Variants in MYH11 observed in about 807,000 individuals in gnomAD.
MYH11 encodes myosin heavy chain 11.
In MYH11, 80 loss-of-function variants were observed where a neutral mutation model predicts 246.6. The observed-to-expected ratio is 0.32, with a 90% CI of 0.27 to 0.39. MYH11 has a LOEUF of 0.39. Ranked by LOEUF, MYH11 falls within the 10% of genes least tolerant of loss-of-function variation. MYH11 has a pLI of 1.00. For missense variants in MYH11, 2,158 were observed against 2,546.8 expected (o/e 0.85, Z 3.29); for synonymous variants, 1,071 against 1,015.5 (o/e 1.05, Z -1.04).
intron 1 of MYH11, among the ~76,000 whole-genome samples, chr16:15,852,574 G>A (rs1276518162): frequency 1.3e-5 from 2 of 151,972 alleles, no homozygotes; most frequent in African/African-American, 4.8e-5. Flanking sequence ...CCTGACCTCA[G>A]GTGACCCACC....
chr16:15,749,881 T>C, intron 16 of MYH11: 1 of 596,538 alleles, frequency 1.7e-6, no homozygotes, highest in Non-Finnish European at 3.0e-6. Context: ...GCCCAGTGAA[T>C]ACTTCCTGGG....
At chr16:15,767,190 G>C (rs2042002326) in intron 9 of MYH11, among the ~76,000 whole-genome samples, 2 of 152,124 alleles carry the variant, frequency 1.3e-5, no homozygotes, top group South Asian at 4.1e-4. Flanking sequence ...AGGATGAGTA[G>C]AGGATAGATG....
rs1555569323 is a variant in MYH11 at position 15,788,075 on chromosome 16, A to ATTTTTTTTTTTTTTTTTTT, written c.531-1344_531-1343insAAAAAAAAAAAAAAAAAAA. 1.9e-4 allele frequency among the ~76,000 whole-genome samples: 8 copies of ATTTTTTTTTTTTTTTTTTT among 42,720 alleles called. 1 individual carries two copies. Among genetic ancestry groups the ATTTTTTTTTTTTTTTTTTT allele is most frequent in the African/African-American group, 9.2e-4 (7 of 7,626 alleles). 28.0% of individuals were successfully genotyped at this position (42,720 alleles called of 152,430 possible). On this transcript the variant is annotated intron_variant, in intron 4 of 40. Coordinates refer to ENST00000300036, the MANE Select transcript of MYH11 (RefSeq NM_002474.3). The stretch of plus-strand genomic sequence containing the variant: ...ATGTCCTCCTGGAATATGAAGGTAG[A>ATTTTTTTTTTTTTTTTTTT]TCTTTTTTTTTTTTTTTTTTACCAA...
intron 3 of MYH11, among the ~76,000 whole-genome samples, chr16:15,800,806 G>C (rs1371177814): frequency 6.6e-6 from 1 of 152,080 alleles, no homozygotes; most frequent in Non-Finnish European, 1.5e-5. Context: ...TCGGATTATA[G>C]ATGGATGTTT....
chr16:15,745,382 A>G (rs1289475462), intron 19 of MYH11, 145 bp from the exon 20 acceptor site: 3 of 621,364 alleles, frequency 4.8e-6, no homozygotes, highest in Admixed American at 5.3e-5. Context: ...TGTGTGACAC[A>G]TGTGTTGTCT....
chr16:15,808,384 T>A (rs758878220), intron 3 of MYH11, among the ~76,000 whole-genome samples: 12 of 152,160 alleles, frequency 7.9e-5, no homozygotes, highest in Non-Finnish European at 1.5e-4. Flanking sequence ...CACAAAGTAA[T>A]AGCCGGGGCA....
chr16:15,732,991 G>C (rs1173494747), intron 26 of MYH11: 5 of 526,548 alleles, frequency 9.5e-6, no homozygotes, highest in Non-Finnish European at 1.0e-5. Flanking sequence ...GCAAAATTTT[G>C]CTTAAATATT....
intron 16 of MYH11, 107 bp from the exon 17 acceptor site, chr16:15,748,275 C>T: frequency 6.4e-7 from 1 of 1,553,620 alleles, no homozygotes; most frequent in Non-Finnish European, 8.7e-7. Flanking sequence ...CATGAGGGTA[C>T]CAACAGAAGC....
chr16:15,766,849 C>A (rs1454784591), intron 9 of MYH11, among the ~76,000 whole-genome samples: 1 of 152,208 alleles, frequency 6.6e-6, no homozygotes, highest in African/African-American at 2.4e-5. Context: ...GCAGAATTAG[C>A]AGACAGCAAA....
intron 5 of MYH11, chr16:15,786,373 G>A (rs1233018946): frequency 3.0e-5 from 19 of 641,112 alleles, no homozygotes; most frequent in South Asian, 2.0e-4. Context: ...GGAAGATCTC[G>A]CTATGGAAGG....
At chr16:15,834,928 T>TTC (rs1555458792) in intron 2 of MYH11, among the ~76,000 whole-genome samples, 2 of 149,156 alleles carry the variant, frequency 1.3e-5, no homozygotes, top group Non-Finnish European at 3.0e-5. Flanking sequence ...TTTTTTTTTT[T>TTC]AATTAGCCAG....
intron 4 of MYH11, among the ~76,000 whole-genome samples, chr16:15,794,375 CACA>C (rs1203793485): frequency 6.6e-6 from 1 of 152,208 alleles, no homozygotes; most frequent in Non-Finnish European, 1.5e-5. Context: ...GGCTGAATTT[CACA>C]ACAAGCAAAA....
intron 3 of MYH11, among the ~76,000 whole-genome samples, chr16:15,816,282 G>A (rs2043261189): frequency 6.6e-6 from 1 of 152,156 alleles, no homozygotes; most frequent in South Asian, 2.1e-4. Context: ...GGCTATAGTA[G>A]AGATCACATT....
chr16:15,729,930 CCTATCTCAG>C (rs1214974298), intron 27 of MYH11, among the ~76,000 whole-genome samples: 2 of 152,098 alleles, frequency 1.3e-5, no homozygotes, highest in African/African-American at 4.8e-5. Context: ...TGGTGATCCG[CCTATCTCAG>C]CCTCCCAAAG....
chr16:15,835,415 T>C (rs2043865323), intron 2 of MYH11, among the ~76,000 whole-genome samples: 1 of 152,238 alleles, frequency 6.6e-6, no homozygotes, highest in African/African-American at 2.4e-5. Context: ...TTCTGTTTTG[T>C]GTTCACTATG....
intron 14 of MYH11, among the ~76,000 whole-genome samples, chr16:15,753,971 C>T (rs1362627350): frequency 6.6e-6 from 1 of 151,100 alleles, no homozygotes; most frequent in Admixed American, 6.6e-5. Flanking sequence ...TGTGGAAGGC[C>T]AAGGTGGGTG....
At chr16:15,833,515 C>G (rs1454784002) in intron 2 of MYH11, among the ~76,000 whole-genome samples, 1 of 152,052 alleles carries the variant, frequency 6.6e-6, no homozygotes, top group Non-Finnish European at 1.5e-5. Flanking sequence ...ATGCTCCCCG[C>G]CAGGTATGCC....
intron 6 of MYH11, among the ~76,000 whole-genome samples, chr16:15,780,474 CTTTTTTTTT>C (rs71134460): frequency 1.4e-5 from 1 of 69,002 alleles, no homozygotes; most frequent in South Asian, 6.9e-4. Context: ...GATTTTTACG[CTTTTTTTTT>C]TTTTTTTTTT....
intron 3 of MYH11, among the ~76,000 whole-genome samples, chr16:15,802,466 T>C (rs1163952215): frequency 6.6e-6 from 1 of 152,192 alleles, no homozygotes; most frequent in Non-Finnish European, 1.5e-5. Flanking sequence ...ACCAATTGAT[T>C]GAGATGGGGT....
Sources: gnomAD v4.1 joint callset for allele counts (sites outside exome capture counted in the v4.1 genomes callset) on GRCh38, gnomAD v4.1.1 for gene constraint, MANE v1.5 for transcripts, NCBI Gene and HGNC (gene_info 2026-07-23, HGNC 2026-07-21) for gene names.